CLASP2: variants seen among roughly 807,000 people sequenced by gnomAD.
CLASP2 encodes the protein cytoplasmic linker associated protein 2.
Under a neutral mutation model 194.4 loss-of-function variants are expected in CLASP2, and 47 were observed. That is an observed-to-expected ratio of 0.24 (90% CI 0.19 to 0.31). CLASP2 has a LOEUF of 0.31. Among genes scored for constraint, CLASP2 ranks in the 10% least tolerant of loss-of-function variants. The pLI is 1.00. For synonymous variants in CLASP2, 619 were observed against 633.5 expected, an observed-to-expected ratio of 0.98 and a Z score of 0.34; for missense variants, 1,445 against 1,823.6, an observed-to-expected ratio of 0.79 and a Z score of 3.78.
chr3:33,531,290 A>G (rs1469815791), intron 34 of CLASP2, among the ~76,000 whole-genome samples: 1 of 152,244 alleles, frequency 6.6e-6, no homozygotes, highest in Non-Finnish European at 1.5e-5. Context: ...ATATTTGCAA[A>G]TCATATATCT....
intron 37 of CLASP2, among the ~76,000 whole-genome samples, chr3:33,506,657 T>C (rs1559770477): frequency 6.6e-6 from 1 of 152,092 alleles, no homozygotes. Context: ...TTGAGTTAAT[T>C]TCTGTATATG....
intron 34 of CLASP2, among the ~76,000 whole-genome samples, chr3:33,531,403 C>G (rs1369388164): frequency 6.6e-6 from 1 of 152,094 alleles, no homozygotes; most frequent in Non-Finnish European, 1.5e-5. Flanking sequence ...AGACATTTTT[C>G]CAAAGATGGT....
chr3:33,571,351 G>A (rs572656381), intron 25 of CLASP2, among the ~76,000 whole-genome samples: 7 of 151,796 alleles, frequency 4.6e-5, no homozygotes, highest in Non-Finnish European at 1.0e-4. Flanking sequence ...TGCAATGGTC[G>A]GGCACGGTGG....
intron 35 of CLASP2, 146 bp from the exon 36 acceptor site, chr3:33,516,297 T>G: frequency 1.8e-6 from 1 of 546,824 alleles, no homozygotes; most frequent in East Asian, 3.4e-5. Context: ...GTAATTAAGT[T>G]TTCTTATCTC....
chr3:33,526,743 C>T (rs960983899), intron 34 of CLASP2, among the ~76,000 whole-genome samples: 1 of 152,100 alleles, frequency 6.6e-6, no homozygotes, highest in African/African-American at 2.4e-5. Context: ...AAACAATCCT[C>T]AAGAAAAGTA....
intron 30 of CLASP2, among the ~76,000 whole-genome samples, chr3:33,546,675 T>C (rs367862065): frequency 1.1e-3 from 168 of 152,326 alleles, no homozygotes; most frequent in African/African-American, 3.9e-3. Context: ...TTTCTTACAA[T>C]AGATGAGGAC....
chr3:33,561,094 G>A (rs140221709), intron 27 of CLASP2, 123 bp from the exon 28 acceptor site: 26 of 776,348 alleles, frequency 3.3e-5, no homozygotes, highest in Non-Finnish European at 5.1e-5. Context: ...GCAGCCAAGC[G>A]GAAAAACAAT....
chr3:33,699,774 C>G (rs1285715543), intron 1 of CLASP2, among the ~76,000 whole-genome samples: 1 of 150,904 alleles, frequency 6.6e-6, no homozygotes, highest in African/African-American at 2.4e-5. Context: ...TGTGTCTTGT[C>G]TCTCTTAAAA....
chr3:33,517,823 C>T (rs1183536146), intron 34 of CLASP2, among the ~76,000 whole-genome samples: 42 of 152,090 alleles, frequency 2.8e-4, no homozygotes, highest in Non-Finnish European at 2.9e-5. Flanking sequence ...CCTACACACC[C>T]AGCTAATTTT....
intron 37 of CLASP2, among the ~76,000 whole-genome samples, chr3:33,506,894 A>G (rs1395917946): frequency 6.6e-6 from 1 of 151,360 alleles, no homozygotes; most frequent in East Asian, 1.9e-4. Flanking sequence ...TTTAAAATTG[A>G]GAGTGTAAGT....
rs764869951 is a variant in CLASP2, at chr3:33,561,003, A to T, written c.2767-32T>A. On this transcript the variant is annotated intron_variant, in intron 27 of 38. Transcript: ENST00000682230. ...TTGATAAAGGGGAGAGGTAGGGAGA[A>T]AAAAAGAGGAAATATTGACCTCTAT... 8 of 1,585,760 alleles carry T rather than the reference A, an allele frequency of 5.0e-6. 1 individual carries two copies. The South Asian group carries it at 8.9e-5, about 18-fold the overall frequency.
In CLASP2 at chr3:33,712,838, T is replaced by C. The variant is rs1265108497; in HGVS notation, c.195+4970A>G. ...TAAGCCGGGCATGGTGGTGCGTGCC[T>C]GTAATCCCAGGTACTCAGGAGGCTG... is the stretch of plus-strand genomic sequence containing the variant. On this transcript the variant is annotated intron_variant, in intron 1 of 38. Transcript: ENST00000682230. Among the ~76,000 whole-genome samples, 3 of 151,506 alleles carry C rather than the reference T, an allele frequency of 2.0e-5. No homozygotes were observed. The East Asian group carries it at 5.8e-4, about 29-fold the overall frequency.
At chr3:33,708,320 G>C (rs1264146062) in intron 1 of CLASP2, among the ~76,000 whole-genome samples, 3 of 148,056 alleles carry the variant, frequency 2.0e-5, no homozygotes, top group Non-Finnish European at 3.0e-5. Flanking sequence ...ATAAAAGTAA[G>C]ATCATGCCAT....
At position 33,690,217 on chromosome 3, in the gene CLASP2, AT is replaced by A. The variant is rs377261435; in HGVS notation, c.275-286del. 6.6e-4 allele frequency among the ~76,000 whole-genome samples: 101 copies of A among 152,308 alleles called. 1 individual carries two copies. In the East Asian group the frequency reaches 0.018, roughly 28 times the overall value. On this transcript the variant is annotated intron_variant, in intron 2 of 38. Transcript: ENST00000682230. The stretch of plus-strand genomic sequence containing the variant: ...GACGAGGGGACAAGGAGGAAGTAGA[AT>A]TCAAAGGGAACAGGTTCTAAAGTCA...
At chr3:33,589,765 T>C (rs1199625898) in intron 21 of CLASP2, among the ~76,000 whole-genome samples, 1 of 152,140 alleles carries the variant, frequency 6.6e-6, no homozygotes, top group East Asian at 1.9e-4. Flanking sequence ...TCCAGTGAAG[T>C]GATCCTTACT....
intron 33 of CLASP2, among the ~76,000 whole-genome samples, chr3:33,535,896 C>A (rs2057231433): frequency 1.5e-5 from 2 of 130,370 alleles, no homozygotes; most frequent in Admixed American, 7.7e-5. Context: ...ATAATAAAAT[C>A]AAATTTAAAA....
At chr3:33,686,156 C>G (rs1487390568) in intron 5 of CLASP2, among the ~76,000 whole-genome samples, 2 of 152,124 alleles carry the variant, frequency 1.3e-5, no homozygotes, top group Non-Finnish European at 2.9e-5. Flanking sequence ...CAGGTAGGAT[C>G]TAAAAGAAGG....
At chr3:33,613,708 C>G (rs2154268310) in intron 12 of CLASP2, among the ~76,000 whole-genome samples, 1 of 152,296 alleles carries the variant, frequency 6.6e-6, no homozygotes, top group East Asian at 1.9e-4. Context: ...GGACCTGCTC[C>G]CTACAGCATT....
chr3:33,636,853 G>T (rs1014233604), intron 8 of CLASP2, among the ~76,000 whole-genome samples: 1 of 152,124 alleles, frequency 6.6e-6, no homozygotes, highest in South Asian at 2.1e-4. Flanking sequence ...CACCCACCTT[G>T]GCCTCCCAAA....
Sources: allele counts gnomAD v4.1 joint callset (sites outside exome capture counted in the v4.1 genomes callset), GRCh38; gene constraint gnomAD v4.1.1; transcripts MANE v1.5; gene names NCBI Gene and HGNC (gene_info 2026-07-23, HGNC 2026-07-21).